FAM193A: variants seen among roughly 807,000 people sequenced by gnomAD.
FAM193A encodes the protein protein FAM193A.
FAM193A carries 22 observed loss-of-function variants against 126.5 expected under a neutral mutation model. The ratio of observed to expected loss-of-function variants is 0.17; its 90% CI spans 0.12 to 0.25. The LOEUF (loss-of-function observed/expected upper bound fraction) is 0.25. FAM193A is among the 10% of genes least tolerant of loss of function. The pLI, the probability that FAM193A is intolerant of heterozygous loss-of-function variation, is 1.00. For missense variants in FAM193A, 1,675 were observed against 1,672.8 expected (o/e 1.00, Z -0.02); for synonymous variants, 761 against 646.8 (o/e 1.18, Z -2.68).
intron 13 of FAM193A, among the ~76,000 whole-genome samples, chr4:2,686,810 C>T (rs577710478): frequency 2.4e-4 from 37 of 152,310 alleles, no homozygotes; most frequent in Non-Finnish European, 5.1e-4. Context: ...GCATCTGTCA[C>T]GGGCTTCTGC....
chr4:2,647,304 G>C (rs551106127), intron 7 of FAM193A, among the ~76,000 whole-genome samples: 2 of 152,102 alleles, frequency 1.3e-5, no homozygotes, highest in South Asian at 4.1e-4. Flanking sequence ...CACCAACCAT[G>C]CCTGGCTAGT....
intron 5 of FAM193A, among the ~76,000 whole-genome samples, chr4:2,631,969 A>C (rs539921006): frequency 9.2e-5 from 14 of 152,072 alleles, no homozygotes; most frequent in Non-Finnish European, 2.1e-4. Flanking sequence ...ATAATACTTA[A>C]CTGTATTTGG....
intron 2 of FAM193A, among the ~76,000 whole-genome samples, chr4:2,612,129 C>T (rs539285521): frequency 1.4e-4 from 22 of 152,016 alleles, no homozygotes; most frequent in South Asian, 8.3e-4. Context: ...AGCCACCGCG[C>T]CCGGCTCCAA....
At chr4:2,628,044 G>A (rs186916889) in intron 4 of FAM193A, among the ~76,000 whole-genome samples, 432 of 152,044 alleles carry the variant, frequency 2.8e-3, no homozygotes, top group African/African-American at 7.9e-3. Flanking sequence ...ACCCGGCTGC[G>A]CCCAGCTAAT....
chr4:2,638,918 G>A (rs1484431143), intron 5 of FAM193A, among the ~76,000 whole-genome samples: 3 of 152,198 alleles, frequency 2.0e-5, no homozygotes, highest in Non-Finnish European at 2.9e-5. Flanking sequence ...AGCCAAGCAT[G>A]ATGAAGTGCA....
At chr4:2,627,671 G>C (rs1743113211) in intron 4 of FAM193A, among the ~76,000 whole-genome samples, 1 of 145,766 alleles carries the variant, frequency 6.9e-6, no homozygotes, top group East Asian at 2.0e-4. Flanking sequence ...TCTGCTGCCT[G>C]AGTTCAAGTG....
intron 20 of FAM193A, among the ~76,000 whole-genome samples, chr4:2,731,432 C>T (rs1264762443): frequency 6.6e-6 from 1 of 152,006 alleles, no homozygotes; most frequent in East Asian, 1.9e-4. Flanking sequence ...GTGATTTGCC[C>T]TCCTCAGCCT....
chr4:2,556,827 T>A (rs1282906944), intron 1 of FAM193A, among the ~76,000 whole-genome samples: 1 of 152,238 alleles, frequency 6.6e-6, no homozygotes, highest in East Asian at 1.9e-4. Context: ...GTAAAGAACA[T>A]TGTTCTCTTG....
At chr4:2,665,196 T>G (rs1191802955) in intron 12 of FAM193A, among the ~76,000 whole-genome samples, 1 of 152,258 alleles carries the variant, frequency 6.6e-6, no homozygotes, top group African/African-American at 2.4e-5. Flanking sequence ...GTCTGGAATA[T>G]ATAAGTATTA....
chr4:2,541,284 A>G (rs1737217414), intron 1 of FAM193A, among the ~76,000 whole-genome samples: 1 of 151,926 alleles, frequency 6.6e-6, no homozygotes, highest in Non-Finnish European at 1.5e-5. Flanking sequence ...ATGAGCTGAG[A>G]TTGTGCCATT....
chr4:2,614,820 T>C (rs1742086422), intron 2 of FAM193A, among the ~76,000 whole-genome samples: 1 of 152,232 alleles, frequency 6.6e-6, no homozygotes, highest in South Asian at 2.1e-4. Context: ...TAGTGAACTG[T>C]GCTAGTTTTT....
At chr4:2,581,908 C>T (rs906620864) in intron 1 of FAM193A, among the ~76,000 whole-genome samples, 1 of 152,194 alleles carries the variant, frequency 6.6e-6, no homozygotes, top group Non-Finnish European at 1.5e-5. Flanking sequence ...CTGCCTCGGC[C>T]TCCCAAAGTG....
rs577830105 is a variant in FAM193A, at chr4:2,696,917, A to C, written c.3507+324A>C. ...TTCTTTTCGAAGAAAGGAGCCGTCA[A>C]CTGTAGAGATGATAGAAGAAAGGCC... On this transcript the variant is annotated intron_variant, in intron 18 of 20. Transcript: ENST00000637812. Among the ~76,000 whole-genome samples, 19 of 152,328 alleles carry C rather than the reference A, an allele frequency of 1.2e-4. No homozygotes were observed. The East Asian group carries it at 2.3e-3, about 19-fold the overall frequency.
At chr4:2,577,442 A>G (rs1739664736) in intron 1 of FAM193A, among the ~76,000 whole-genome samples, 1 of 80,680 alleles carries the variant, frequency 1.2e-5, no homozygotes, top group South Asian at 4.2e-4. Context: ...TTTTTGAGAC[A>G]GAGTCTCAGT....
chr4:2,679,817 G>C (rs959130043), intron 13 of FAM193A, among the ~76,000 whole-genome samples: 10 of 151,646 alleles, frequency 6.6e-5, no homozygotes, highest in African/African-American at 2.4e-4. Context: ...TGGTAGAATT[G>C]ACTAGTGAAG....
At chr4:2,685,751 C>T (rs1007407321) in intron 13 of FAM193A, among the ~76,000 whole-genome samples, 8 of 152,214 alleles carry the variant, frequency 5.3e-5, no homozygotes, top group Admixed American at 3.3e-4. Context: ...ACCCATGTTC[C>T]ATGTCCGAGT....
chr4:2,687,476 C>T (rs1051247575), intron 13 of FAM193A, among the ~76,000 whole-genome samples: 1 of 152,150 alleles, frequency 6.6e-6, no homozygotes, highest in Non-Finnish European at 1.5e-5. Flanking sequence ...AGCTGGCATC[C>T]GAGCTCGCCA....
At chr4:2,712,349 T>G (rs188482106) in intron 19 of FAM193A, among the ~76,000 whole-genome samples, 52 of 152,328 alleles carry the variant, frequency 3.4e-4, no homozygotes, top group African/African-American at 1.2e-3. Context: ...TGTTTCTGTG[T>G]TTTCTTGCAT....
At position 2,700,022 on chromosome 4, in the gene FAM193A, TCAGAGCCC is replaced by T; in HGVS notation, c.3851_3858del (p.Ser1284Ter). The T allele has an allele frequency of 6.2e-7, 1 of 1,613,296 alleles. No individual in the cohort carries two copies. The highest frequency in any genetic ancestry group is 8.5e-7 in the Non-Finnish European group (1 of 1,179,874). On this transcript the variant is annotated frameshift_variant, in exon 19 of 21. Coordinates refer to ENST00000637812, the MANE Select transcript of FAM193A (RefSeq NM_001366318.2). LOFTEE classifies it high-confidence loss of function. The stretch of plus-strand genomic sequence containing the variant: ...CTCCCCATCCAGGCATATGAACCAC[TCAGAGCCC>T]AGGCCAGGGCTAGGGGCTGATGGGG...
Sources: gnomAD v4.1 joint callset for allele counts (sites outside exome capture counted in the v4.1 genomes callset) on GRCh38, gnomAD v4.1.1 for gene constraint, MANE v1.5 for transcripts, NCBI Gene and HGNC (gene_info 2026-07-23, HGNC 2026-07-21) for gene names.